Variants in TTC28 observed in about 807,000 individuals in gnomAD.
The protein encoded by TTC28 is tetratricopeptide repeat domain 28.
A neutral mutation model predicts 198.0 loss-of-function variants in TTC28; 61 were observed. The observed-to-expected ratio is 0.31, with a 90% CI of 0.25 to 0.38. The LOEUF is 0.38. Ranked by LOEUF, TTC28 falls within the 10% of genes least tolerant of loss-of-function variation. The pLI is 1.00. For missense variants in TTC28, 2,678 were observed against 3,164.0 expected (o/e 0.85, Z 3.69); for synonymous variants, 1,171 against 1,297.8 (o/e 0.90, Z 2.10).
chr22:28,569,662 G>T (rs1158175365), intron 2 of TTC28, among the ~76,000 whole-genome samples: 7 of 152,082 alleles, frequency 4.6e-5, no homozygotes, highest in Admixed American at 3.3e-4. Context: ...AAGATTTCAT[G>T]ATGAAGACTC....
chr22:28,146,598 C>G (rs1309563959), intron 6 of TTC28, among the ~76,000 whole-genome samples: 1 of 152,162 alleles, frequency 6.6e-6, no homozygotes, highest in Non-Finnish European at 1.5e-5. Flanking sequence ...AGTCCATTAC[C>G]TTCTGTTTAC....
At chr22:28,663,604 C>T (rs2051790056) in intron 1 of TTC28, among the ~76,000 whole-genome samples, 3 of 119,546 alleles carry the variant, frequency 2.5e-5, no homozygotes, top group African/African-American at 9.9e-5. Context: ...TAAGAAACGG[C>T]GCACCACGAG....
At chr22:28,641,673 T>C (rs140999698) in intron 1 of TTC28, among the ~76,000 whole-genome samples, 7 of 152,220 alleles carry the variant, frequency 4.6e-5, no homozygotes, top group Admixed American at 3.9e-4. Context: ...GAATTGCATC[T>C]CAATTAAAGA....
chr22:28,315,504 T>C (rs773879805), intron 2 of TTC28, among the ~76,000 whole-genome samples: 49 of 152,210 alleles, frequency 3.2e-4, no homozygotes, highest in Admixed American at 1.0e-3. Context: ...AAAATTCTTA[T>C]AGTTTTACTT....
rs966044636 is a variant in TTC28, at chr22:28,145,811, T to A, written c.1441+17281A>T. 3.9e-5 allele frequency among the ~76,000 whole-genome samples: 6 copies of A among 152,306 alleles called. No homozygotes were observed. In the South Asian group the frequency reaches 6.2e-4, roughly 16 times the overall value. On this transcript the variant is annotated intron_variant, in intron 6 of 22. Transcript: ENST00000397906. Reference sequence around the variant, plus strand: ...ATACAAACTACAATGATAATAATGATTACAACAGTTTTGAGTGTTTATTAT... The same window carrying A: ...ATACAAACTACAATGATAATAATGAATACAACAGTTTTGAGTGTTTATTAT...
intron 5 of TTC28, among the ~76,000 whole-genome samples, chr22:28,167,983 C>T (rs1436394624): frequency 6.6e-6 from 1 of 152,206 alleles, no homozygotes; most frequent in Non-Finnish European, 1.5e-5. Flanking sequence ...TCTCAGAATA[C>T]AAAATCAATG....
chr22:28,378,345 CAAA>C (rs134525), intron 2 of TTC28, among the ~76,000 whole-genome samples: 10 of 75,904 alleles, frequency 1.3e-4, no homozygotes, highest in Admixed American at 1.4e-4. Context: ...GACTCTGTCT[CAAA>C]AAAAAAAAAA....
chr22:28,124,974 G>C (rs1034714233), intron 6 of TTC28, among the ~76,000 whole-genome samples: 1 of 152,194 alleles, frequency 6.6e-6, no homozygotes, highest in African/African-American at 2.4e-5. Context: ...ATTCCAGCTA[G>C]CTTTCTTCTG....
chr22:28,096,714 C>T (rs1941986975), intron 10 of TTC28, among the ~76,000 whole-genome samples: 1 of 152,046 alleles, frequency 6.6e-6, no homozygotes, highest in Admixed American at 6.5e-5. Context: ...TCTGCTCCAC[C>T]TCCTGAGTTG....
chr22:28,435,430 T>G (rs1186782673), intron 2 of TTC28, among the ~76,000 whole-genome samples: 1 of 152,190 alleles, frequency 6.6e-6, no homozygotes, highest in Non-Finnish European at 1.5e-5. Context: ...TCTTACAGCT[T>G]TCAATAAAAT....
chr22:28,206,092 G>A lies in TTC28; in HGVS notation c.934-42493C>T, dbSNP rs1037478927. Reference sequence around the variant, plus strand: ...CATTAAAATTCTGCCCAAGTCCCCAGGAAGCCAGCTTGCAAAGTCTACTCC... The same window carrying A: ...CATTAAAATTCTGCCCAAGTCCCCAAGAAGCCAGCTTGCAAAGTCTACTCC... On this transcript the variant is annotated intron_variant, in intron 5 of 22. Coordinates refer to ENST00000397906, the MANE Select transcript of TTC28 (RefSeq NM_001145418.2). 2.0e-5 allele frequency among the ~76,000 whole-genome samples: 3 copies of A among 152,120 alleles called. No homozygotes were observed. In the South Asian group the frequency reaches 6.2e-4, roughly 32 times the overall value.
intron 2 of TTC28, among the ~76,000 whole-genome samples, chr22:28,524,952 G>T (rs2146440129): frequency 6.6e-6 from 1 of 152,158 alleles, no homozygotes; most frequent in South Asian, 2.1e-4. Context: ...ATGCAATAAT[G>T]AATTATTCAA....
At chr22:28,438,094 T>C (rs1333699189) in intron 2 of TTC28, among the ~76,000 whole-genome samples, 1 of 152,212 alleles carries the variant, frequency 6.6e-6, no homozygotes, top group African/African-American at 2.4e-5. Context: ...TTTCTAAGAC[T>C]TCTCTGTATA....
At chr22:28,132,271 T>C (rs1335744120) in intron 6 of TTC28, among the ~76,000 whole-genome samples, 1 of 152,186 alleles carries the variant, frequency 6.6e-6, no homozygotes, top group Non-Finnish European at 1.5e-5. Flanking sequence ...AGTTACACAT[T>C]TTAATAAGAC....
intron 5 of TTC28, among the ~76,000 whole-genome samples, chr22:28,276,165 C>T (rs757809063): frequency 2.0e-5 from 3 of 151,958 alleles, no homozygotes; most frequent in East Asian, 1.9e-4. Context: ...GCATGCACCA[C>T]GACGCCTGGC....
chr22:28,037,038 C>T (rs1939386857), intron 12 of TTC28, among the ~76,000 whole-genome samples: 1 of 151,924 alleles, frequency 6.6e-6, no homozygotes, highest in Admixed American at 6.6e-5. Context: ...GCTTACCAAC[C>T]AAAAAAAGTC....
intron 2 of TTC28, among the ~76,000 whole-genome samples, chr22:28,308,388 T>C (rs769836528): frequency 1.3e-5 from 2 of 152,178 alleles, no homozygotes; most frequent in Non-Finnish European, 2.9e-5. Context: ...TGTTTTTATA[T>C]ACAAATATGC....
chr22:28,399,985 C>G (rs891293156), intron 2 of TTC28, among the ~76,000 whole-genome samples: 1 of 152,210 alleles, frequency 6.6e-6, no homozygotes, highest in Admixed American at 6.5e-5. Context: ...ATATTCCCAT[C>G]GTCCAGAAAG....
At chr22:28,288,748 G>C (rs1240707464) in intron 5 of TTC28, among the ~76,000 whole-genome samples, 2 of 150,614 alleles carry the variant, frequency 1.3e-5, no homozygotes, top group Non-Finnish European at 3.0e-5. Context: ...AGAAGGCGGA[G>C]CTTGCAGTGA....
Sources: gnomAD v4.1 joint callset for allele counts (sites outside exome capture counted in the v4.1 genomes callset) on GRCh38, gnomAD v4.1.1 for gene constraint, MANE v1.5 for transcripts, NCBI Gene and HGNC (gene_info 2026-07-23, HGNC 2026-07-21) for gene names.